The following BICRAL variants were observed in gnomAD, a reference collection of about 807,000 sequenced individuals.
BICRAL encodes the protein BICRA like chromatin remodeling complex associated protein, also known as BRD4-interacting chromatin-remodeling complex-associated protein-like.
In BICRAL, 8 loss-of-function variants were observed where a neutral mutation model predicts 91.8. The observed-to-expected ratio is 0.09, with a 90% CI of 0.05 to 0.16. The LOEUF is 0.16. Ranked by LOEUF, BICRAL falls within the 10% of genes least tolerant of loss-of-function variation. BICRAL has a pLI of 1.00. For missense variants in BICRAL, 1,038 were observed against 1,310.9 expected, an observed-to-expected ratio of 0.79 and a Z score of 3.21; for synonymous variants, 445 against 491.1, an observed-to-expected ratio of 0.91 and a Z score of 1.24.
chr6:42,855,637 C>T (rs192353309), intron 8 of BICRAL, among the ~76,000 whole-genome samples: 142 of 151,626 alleles, frequency 9.4e-4, no homozygotes, highest in Non-Finnish European at 1.5e-3. Context: ...TCTCAGGAAC[C>T]GATTATACAC....
chr6:42,778,554 A>C (rs139747373), upstream of BICRAL, among the ~76,000 whole-genome samples: 1 of 152,324 alleles, frequency 6.6e-6, no homozygotes, highest in Non-Finnish European at 1.5e-5. Context: ...CATTCTCTTT[A>C]AAAAGCCTGC....
In BICRAL at chr6:42,822,814, C is replaced by T. The variant is rs1031355021; in HGVS notation, c.60C>T (p.Asn20=). The T allele has an allele frequency of 1.3e-6, 2 of 1,563,610 alleles. No homozygotes were observed. Among genetic ancestry groups the T allele is most frequent in the Non-Finnish European group, 1.8e-6 (2 of 1,135,430 alleles). The change falls in exon 4 of 13, where the codon AAC becomes AAT. Residue 20 remains asparagine (N), a synonymous_variant. Transcript: ENST00000314073. The part of the protein sequence containing the change: ...LDLIGDPQAL[N]YFLHGPSNKS... ...TTTCTAGAGACCCACAAGCATTGAA[C>T]TATTTTCTACATGGACCTAGTAATA...
At position 42,829,476 on chromosome 6, in the gene BICRAL, T is replaced by G. The variant is rs772928781; in HGVS notation, c.1143T>G (p.Thr381=). Residue 381 remains threonine, a synonymous_variant, in exon 6 of 13, where the codon ACT becomes ACG. Transcript: ENST00000314073. ...KPVTSQAVSS[T]GGSIVIHSPM... ...TCACCTCACAGGCAGTGAGCAGCAC[T>G]GGGGGCAGTATTGTTATTCATTCCC... 7 of 1,614,098 alleles carry G rather than the reference T, an allele frequency of 4.3e-6. No homozygotes were observed. In the Admixed American group the frequency reaches 1.2e-4, roughly 27 times the overall value.
intron 1 of BICRAL, among the ~76,000 whole-genome samples, chr6:42,806,456 C>T (rs1248621641): frequency 6.6e-6 from 1 of 152,110 alleles, no homozygotes; most frequent in Non-Finnish European, 1.5e-5. Context: ...AAGCAATCCT[C>T]TCACCTCAGC....
At chr6:42,842,341 A>T (rs1490997912) in intron 6 of BICRAL, among the ~76,000 whole-genome samples, 1 of 152,202 alleles carries the variant, frequency 6.6e-6, no homozygotes, top group Admixed American at 6.6e-5. Flanking sequence ...CTAGGTGATT[A>T]ATCTGCTTTC....
rs986705484 is a variant in BICRAL at position 42,747,111 on chromosome 6, T to G, written c.-261+88T>G. The stretch of plus-strand genomic sequence containing the variant: ...AGAAGCGGTACATTATTTCTAGGGG[T>G]GGTGGGAGGGATTTGTCACCGGAAG... On this transcript the variant is annotated intron_variant, in intron 1 of 14. Coordinates refer to the BICRAL transcript ENST00000614467. The G allele has an allele frequency of 7.2e-5, 11 of 151,940 alleles. No individual in the cohort carries two copies. In the East Asian group the frequency reaches 1.8e-3, roughly 24 times the overall value. The allele number at this position is 151,940 out of a possible 1,614,324, so 9.4% of individuals were successfully genotyped here.
chr6:42,788,891 A>AT lies in BICRAL; in HGVS notation c.-102+6801dup, dbSNP rs1186514975. 8.3e-3 allele frequency among the ~76,000 whole-genome samples: 1,234 copies of AT among 148,594 alleles called. 13 individuals are homozygous for AT. Among genetic ancestry groups the AT allele is most frequent in the African/African-American group, 0.026 (1,056 of 40,646 alleles). On this transcript the variant is annotated intron_variant, in intron 1 of 12. Transcript: ENST00000314073. ...ACCAGTCAGCTGAGTTAGTTGTGTG[A>AT]TTTTTTTTTTTCTCCTAGCAACATT...
intron 1 of BICRAL, among the ~76,000 whole-genome samples, chr6:42,771,368 C>A (rs1177571074): frequency 1.3e-5 from 2 of 151,940 alleles, no homozygotes; most frequent in East Asian, 1.9e-4. Flanking sequence ...GCTCTGGTTT[C>A]TTTTTGTTTT....
At chr6:42,778,449 G>A (rs1162674278), upstream of BICRAL, among the ~76,000 whole-genome samples, 2 of 152,208 alleles carry the variant, frequency 1.3e-5, no homozygotes, top group Non-Finnish European at 2.9e-5. Context: ...TCGGGTTTGA[G>A]TGAAAGTTCA....
chr6:42,765,134 G>A (rs926032450), intron 1 of BICRAL, among the ~76,000 whole-genome samples: 1 of 152,222 alleles, frequency 6.6e-6, no homozygotes, highest in Non-Finnish European at 1.5e-5. Flanking sequence ...GTCTTGTCAA[G>A]TGAGAACCTA....
intron 6 of BICRAL, among the ~76,000 whole-genome samples, chr6:42,830,776 T>C (rs542579259): frequency 1.3e-5 from 2 of 152,122 alleles, no homozygotes; most frequent in South Asian, 4.2e-4. Context: ...CCAGCACACC[T>C]AACTAGTTTT....
intron 10 of BICRAL, among the ~76,000 whole-genome samples, chr6:42,858,515 TAAA>T (rs34689139): frequency 3.5e-5 from 4 of 113,296 alleles, no homozygotes; most frequent in Non-Finnish European, 5.4e-5. Flanking sequence ...GACTCTGTTT[TAAA>T]AAAAAAAAAA....
chr6:42,766,723 G>A (rs550271935), intron 1 of BICRAL, among the ~76,000 whole-genome samples: 7 of 152,010 alleles, frequency 4.6e-5, no homozygotes, highest in East Asian at 1.9e-4. Flanking sequence ...CCAGTAATCC[G>A]AGCTACTCGG....
Position 42,822,990 on chromosome 6 carries a change from T to C in BICRAL, c.146T>C (p.Phe49Ser). The C allele has an allele frequency of 6.2e-7, 1 of 1,604,176 alleles. No homozygotes were observed. The highest frequency in any genetic ancestry group is 2.2e-5 in the East Asian group (1 of 44,790). ...TCTGCAGCCAATTCAAATTCAATTT[T>C]CGCCAACTCTAGTGTGAGTATTGGA... The part of the protein sequence containing the change: ...GYSAANSNSI[F>S]ANSSNADPKS... Residue 49 changes from phenylalanine (F) to serine (S), a missense_variant, in exon 5 of 13, where the codon TTC (phenylalanine) becomes TCC (serine). Coordinates refer to ENST00000314073, the MANE Select transcript of BICRAL (RefSeq NM_001393499.1).
intron 6 of BICRAL, among the ~76,000 whole-genome samples, chr6:42,844,508 C>CAAAAAAAAAAAAAAA (rs34115804): frequency 3.2e-5 from 1 of 31,460 alleles, no homozygotes; most frequent in Non-Finnish European, 7.7e-5. Flanking sequence ...GACTCCATCT[C>CAAAAAAAAAAAAAAA]AAAAAAAAAA....
upstream of BICRAL, among the ~76,000 whole-genome samples, chr6:42,781,596 GGT>G (rs61437847): frequency 7.7e-3 from 798 of 103,422 alleles, 9 homozygotes; most frequent in East Asian, 0.026. Context: ...TGGGTGGGTG[GGT>G]GTGTGTGTGT....
chr6:42,764,394 T>TAA (rs143118997), intron 1 of BICRAL, among the ~76,000 whole-genome samples: 29 of 137,870 alleles, frequency 2.1e-4, no homozygotes, highest in African/African-American at 7.8e-4. Context: ...TCCACAAAAA[T>TAA]AAAAAAAATT....
At chr6:42,779,042 G>C (rs1181348635), upstream of BICRAL, among the ~76,000 whole-genome samples, 1 of 151,496 alleles carries the variant, frequency 6.6e-6, no homozygotes, top group African/African-American at 2.4e-5. Context: ...GGTCAGGCTG[G>C]ACCCGTCTCT....
At chr6:42,845,270 C>G (rs1764971537) in intron 6 of BICRAL, among the ~76,000 whole-genome samples, 1 of 108,762 alleles carries the variant, frequency 9.2e-6, no homozygotes, top group African/African-American at 3.5e-5. Flanking sequence ...CAGTCGTCAC[C>G]CAGGCTGGAG....
Sources: gnomAD v4.1 joint callset for allele counts (sites outside exome capture counted in the v4.1 genomes callset) on GRCh38, gnomAD v4.1.1 for gene constraint, MANE v1.5 for transcripts, NCBI Gene and HGNC (gene_info 2026-07-23, HGNC 2026-07-21) for gene names.